The following CADM2 variants were observed in gnomAD, a reference collection of about 807,000 sequenced individuals.
The protein encoded by CADM2 is cell adhesion molecule 2.
In CADM2, 12 loss-of-function variants were observed where a neutral mutation model predicts 49.8. The ratio of observed to expected loss-of-function variants is 0.24; its 90% CI spans 0.15 to 0.39. CADM2 has a LOEUF of 0.39. Ranked by LOEUF, CADM2 falls within the 10% of genes least tolerant of loss-of-function variation. The probability of loss-of-function intolerance (pLI) is 1.00; values close to 1 mark genes in which losing one functional copy is unlikely to be tolerated. For missense variants in CADM2, 378 were observed against 492.3 expected, an observed-to-expected ratio of 0.77 and a Z score of 2.20; for synonymous variants, 214 against 175.4, an observed-to-expected ratio of 1.22 and a Z score of -1.74.
At chr3:85,612,628 C>A (rs2063707733) in intron 1 of CADM2, among the ~76,000 whole-genome samples, 2 of 151,342 alleles carry the variant, frequency 1.3e-5, no homozygotes, top group African/African-American at 4.9e-5. Flanking sequence ...GATTTAAATA[C>A]CATTATGCCA....
intron 2 of CADM2, chr3:85,800,826 G>GCCTC (rs2071975154): frequency 1.3e-5 from 2 of 152,364 alleles, no homozygotes; most frequent in Admixed American, 1.3e-4. Flanking sequence ...CTCACTGGGA[G>GCCTC]CTGCAGACTG....
chr3:85,617,903 A>G (rs540778842), intron 1 of CADM2, among the ~76,000 whole-genome samples: 34 of 152,346 alleles, frequency 2.2e-4, no homozygotes, highest in Non-Finnish European at 4.4e-4. Flanking sequence ...AGAACGTTAC[A>G]TATTATAATG....
chr3:85,985,796 T>C (rs898256656), intron 8 of CADM2, among the ~76,000 whole-genome samples: 1 of 151,908 alleles, frequency 6.6e-6, no homozygotes, highest in Non-Finnish European at 1.5e-5. Context: ...AAAAATCATA[T>C]ACACAAAGTT....
At chr3:85,372,343 ATATATATATGTGTGTGTGTG>A (rs2033297725) in intron 1 of CADM2, among the ~76,000 whole-genome samples, 2 of 151,092 alleles carry the variant, frequency 1.3e-5, no homozygotes, top group South Asian at 2.1e-4. Context: ...AAATTTATAT[ATATATATATGTGTGTGTGTG>A]TATATATATA....
chr3:85,918,227 G>T (rs185543894), intron 6 of CADM2, among the ~76,000 whole-genome samples: 86 of 152,220 alleles, frequency 5.6e-4, no homozygotes, highest in African/African-American at 2.0e-3. Context: ...TCCCTGTCTT[G>T]TGCCAGTTTT....
chr3:85,825,272 A>G (rs1446140978), intron 3 of CADM2, among the ~76,000 whole-genome samples: 1 of 152,050 alleles, frequency 6.6e-6, no homozygotes, highest in African/African-American at 2.4e-5. Flanking sequence ...TGAAGATACT[A>G]TATTACAAAG....
At chr3:85,984,013 C>T (rs2108678605) in intron 8 of CADM2, among the ~76,000 whole-genome samples, 1 of 149,644 alleles carries the variant, frequency 6.7e-6, no homozygotes, top group South Asian at 2.1e-4. Flanking sequence ...ATATATATGA[C>T]ACACATAATA....
chr3:86,026,034 T>A (rs1479414899), intron 8 of CADM2, among the ~76,000 whole-genome samples: 1 of 152,138 alleles, frequency 6.6e-6, no homozygotes, highest in Non-Finnish European at 1.5e-5. Context: ...AATATATTAA[T>A]ACTGATAAAT....
intron 1 of CADM2, among the ~76,000 whole-genome samples, chr3:85,474,227 T>C (rs1013096855): frequency 6.6e-6 from 1 of 151,594 alleles, no homozygotes; most frequent in African/African-American, 2.4e-5. Context: ...GGCTGGCTCA[T>C]GGGATTGTGG....
chr3:86,030,790 G>A (rs975175574), intron 8 of CADM2, among the ~76,000 whole-genome samples: 17 of 151,800 alleles, frequency 1.1e-4, no homozygotes, highest in African/African-American at 3.4e-4. Context: ...AATAAAGAAA[G>A]GCATAGAATG....
At chr3:85,686,160 A>G (rs192642341) in intron 1 of CADM2, among the ~76,000 whole-genome samples, 4 of 152,276 alleles carry the variant, frequency 2.6e-5, no homozygotes, top group Admixed American at 2.6e-4. Context: ...AATAAAACCT[A>G]CTTCCTTCTG....
At chr3:85,810,097 T>A (rs2072757283) in intron 3 of CADM2, among the ~76,000 whole-genome samples, 1 of 152,004 alleles carries the variant, frequency 6.6e-6, no homozygotes, top group Non-Finnish European at 1.5e-5. Flanking sequence ...TAGGAGAACA[T>A]CCTACTTTGG....
At chr3:85,901,474 T>C (rs1716109748) in intron 5 of CADM2, among the ~76,000 whole-genome samples, 1 of 152,092 alleles carries the variant, frequency 6.6e-6, no homozygotes, top group Non-Finnish European at 1.5e-5. Context: ...TTGCTGAAAG[T>C]AGTCATTATA....
chr3:85,173,646 A>G (rs1450156326), intron 1 of CADM2, among the ~76,000 whole-genome samples: 1 of 152,184 alleles, frequency 6.6e-6, no homozygotes, highest in Non-Finnish European at 1.5e-5. Context: ...TTTGAAAGGT[A>G]AAGACCTTTA....
chr3:85,665,262 T>G (rs9865467), intron 1 of CADM2, among the ~76,000 whole-genome samples: 1 of 152,072 alleles, frequency 6.6e-6, no homozygotes, highest in Non-Finnish European at 1.5e-5. Context: ...ATAATACATT[T>G]AAGATTTTAA....
At chr3:85,147,143 C>CG (rs2039770528) in intron 1 of CADM2, among the ~76,000 whole-genome samples, 1 of 151,488 alleles carries the variant, frequency 6.6e-6, no homozygotes, top group African/African-American at 2.4e-5. Context: ...GGCATGGTGG[C>CG]GGGCGCCTGT....
chr3:85,526,566 T>A (rs948053001), intron 1 of CADM2, among the ~76,000 whole-genome samples: 1 of 152,174 alleles, frequency 6.6e-6, no homozygotes, highest in Non-Finnish European at 1.5e-5. Flanking sequence ...AATGTATCCC[T>A]GTGACTCTGA....
chr3:85,663,561 G>C (rs2065474768), intron 1 of CADM2, among the ~76,000 whole-genome samples: 1 of 151,962 alleles, frequency 6.6e-6, no homozygotes, highest in African/African-American at 2.4e-5. Context: ...GCTGCTTTCT[G>C]TCTTGCTATT....
At chr3:85,702,795 A>G (rs2066823114) in intron 1 of CADM2, among the ~76,000 whole-genome samples, 1 of 152,170 alleles carries the variant, frequency 6.6e-6, no homozygotes, top group Non-Finnish European at 1.5e-5. Flanking sequence ...TTTGCTCATG[A>G]CTTTCAGCAT....
Sources: gnomAD v4.1 joint callset for allele counts (sites outside exome capture counted in the v4.1 genomes callset) on GRCh38, gnomAD v4.1.1 for gene constraint, MANE v1.5 for transcripts, NCBI Gene and HGNC (gene_info 2026-07-23, HGNC 2026-07-21) for gene names.